Variants in FBP1 observed in about 807,000 individuals in gnomAD.
FBP1 encodes fructose-1,6-bisphosphatase 1.
Under a neutral mutation model 29.9 loss-of-function variants are expected in FBP1, and 22 were observed. The ratio of observed to expected loss-of-function variants is 0.74; its 90% confidence interval spans 0.53 to 1.05. The LOEUF (loss-of-function observed/expected upper bound fraction) is 1.05. FBP1 is among the 50% of genes least tolerant of loss of function. FBP1 has a pLI of 0.00. For missense variants in FBP1, 345 were observed against 448.2 expected (o/e 0.77, Z 2.08); for synonymous variants, 175 against 178.6 (o/e 0.98, Z 0.16).
intron 1 of FBP1, 61 bp downstream of exon 1, chr9:94,639,080 G>A: frequency 2.0e-6 from 3 of 1,527,252 alleles, no homozygotes; most frequent in East Asian, 2.4e-5. Context: ...ACGTCAGCCC[G>A]CCGGGCAGGC....
chr9:94,607,040 G>T, intron 4 of FBP1, 88 bp from the exon 5 acceptor site: 1 of 1,574,228 alleles, frequency 6.4e-7, no homozygotes, highest in Non-Finnish European at 8.7e-7. Flanking sequence ...GCTGGGCTAC[G>T]CTGGGCTGGG....
chr9:94,604,387 C>T (rs1827664230), intron 6 of FBP1, among the ~76,000 whole-genome samples: 5 of 152,036 alleles, frequency 3.3e-5, no homozygotes, highest in Admixed American at 3.3e-4. Flanking sequence ...ATAGAAATGC[C>T]TTCATTCTGG....
chr9:94,624,483 T>G (rs1827995333), intron 1 of FBP1, among the ~76,000 whole-genome samples: 1 of 151,912 alleles, frequency 6.6e-6, no homozygotes, highest in African/African-American at 2.4e-5. Context: ...TGAAGTCCTA[T>G]CTCTACTAAA....
intron 1 of FBP1, among the ~76,000 whole-genome samples, chr9:94,629,762 C>T (rs1828076203): frequency 6.6e-6 from 1 of 152,084 alleles, no homozygotes; most frequent in Admixed American, 6.5e-5. Flanking sequence ...TTAGGAATGG[C>T]CCACTCTCTT....
At chr9:94,624,208 G>A (rs1326523742) in intron 1 of FBP1, among the ~76,000 whole-genome samples, 2 of 151,644 alleles carry the variant, frequency 1.3e-5, no homozygotes, top group African/African-American at 4.8e-5. Flanking sequence ...CATGGTGGCG[G>A]GCACCTGTAG....
intron 1 of FBP1, 26 bp from the exon 2 acceptor site, chr9:94,620,517 A>G (rs1425999152): frequency 6.2e-7 from 1 of 1,612,082 alleles, no homozygotes; most frequent in Non-Finnish European, 8.5e-7. Flanking sequence ...GCCACAAAAA[A>G]TAAGCCATGA....
intron 5 of FBP1, 124 bp from the exon 6 acceptor site, chr9:94,605,700 G>T: frequency 1.1e-6 from 1 of 942,360 alleles, no homozygotes; most frequent in Non-Finnish European, 1.6e-6. Context: ...TGTATTTGGG[G>T]CTGTGCTAAA....
intron 1 of FBP1, among the ~76,000 whole-genome samples, chr9:94,627,480 G>A (rs186476561): frequency 1.5e-3 from 226 of 152,256 alleles, no homozygotes; most frequent in African/African-American, 4.5e-3. Context: ...TAGAGAGGGC[G>A]GGCTCAGCAG....
In FBP1 at chr9:94,623,469, T is replaced by C. The variant is rs28369680; in HGVS notation, c.171-2978A>G. On this transcript the variant is annotated intron_variant, in intron 1 of 6. Transcript: ENST00000375326. ...CTGCCCCCACGCGGCTGTCAGAGGA[T>C]TGCATGAGATGACATACACAAAAGG... 5.5e-3 allele frequency among the ~76,000 whole-genome samples: 842 copies of C among 152,286 alleles called. 4 individuals are homozygous for C. Among genetic ancestry groups the C allele is most frequent in the African/African-American group, 0.019 (804 of 41,566 alleles).
intron 1 of FBP1, among the ~76,000 whole-genome samples, chr9:94,634,068 C>A (rs1251295132): frequency 1.3e-5 from 2 of 150,530 alleles, no homozygotes; most frequent in African/African-American, 4.9e-5. Flanking sequence ...CCGGGGCGGG[C>A]AGATCACCTG....
At chr9:94,638,989 G>T in intron 1 of FBP1, 152 bp downstream of exon 1, 3 of 820,620 alleles carry the variant, frequency 3.7e-6, no homozygotes, top group South Asian at 3.0e-5. Flanking sequence ...GGAGAGAGGG[G>T]CTACCAGACA....
At chr9:94,623,783 G>A (rs1412814027) in intron 1 of FBP1, among the ~76,000 whole-genome samples, 3 of 152,208 alleles carry the variant, frequency 2.0e-5, no homozygotes, top group South Asian at 2.1e-4. Context: ...CTAGATGCTG[G>A]GGTTACAGTG....
At chr9:94,625,623 G>T (rs1045193775) in intron 1 of FBP1, among the ~76,000 whole-genome samples, 3 of 152,190 alleles carry the variant, frequency 2.0e-5, no homozygotes, top group African/African-American at 7.2e-5. Context: ...GTGAAACCCC[G>T]TCTCTACTAA....
rs112726797 is a variant in FBP1, at chr9:94,614,171, G to A, written c.426+3597C>T. 7.8e-3 allele frequency among the ~76,000 whole-genome samples: 1,102 copies of A among 140,730 alleles called. 18 individuals are homozygous for A. Among genetic ancestry groups the A allele is most frequent in the African/African-American group, 0.027 (1,054 of 38,766 alleles). 92.3% of individuals were successfully genotyped at this position (140,730 alleles called of 152,430 possible). A position where few individuals can be genotyped will look rare whatever the true frequency, so the allele number is the denominator to read the frequency against. On this transcript the variant is annotated intron_variant, in intron 3 of 6. Transcript: ENST00000375326. Reference sequence around the variant, plus strand: ...GGAGGGGAAGAAGGCAGAGGAGGAAGGGGGGGACGAGGAGGAGCAGGGGGA... The same window carrying A: ...GGAGGGGAAGAAGGCAGAGGAGGAAAGGGGGGACGAGGAGGAGCAGGGGGA...
chr9:94,617,731 T>C, intron 3 of FBP1, 37 bp downstream of exon 3: 1 of 1,376,628 alleles, frequency 7.3e-7, no homozygotes, highest in Non-Finnish European at 1.0e-6. Context: ...TCTTAACTTC[T>C]GTCCCCAAAC....
intron 1 of FBP1, among the ~76,000 whole-genome samples, chr9:94,631,325 G>A (rs1480042927): frequency 6.6e-6 from 1 of 152,160 alleles, no homozygotes; most frequent in Non-Finnish European, 1.5e-5. Flanking sequence ...AATTTAAAGA[G>A]CTCTAAGTCA....
Position 94,620,350 on chromosome 9 carries a change from G to T in FBP1, c.312C>A (p.Ile104=), listed in dbSNP as rs1381354271. Residue 104 remains isoleucine (I), a synonymous_variant, in exon 2 of 7, where the codon ATC becomes ATA. Transcript: ENST00000375326. ...VLVSEEDKHA[I]IVEPEKRGKY... ...CCACCCTTTTCTCCGGTTCCACTAT[G>T]ATGGCGTGTTTATCTTCTTCTGACA... The T allele has an allele frequency of 6.2e-6, 10 of 1,614,216 alleles. No homozygotes were observed. The highest frequency in any genetic ancestry group is 7.6e-6 in the Non-Finnish European group (9 of 1,180,044).
At chr9:94,625,667 C>T (rs1241691842) in intron 1 of FBP1, among the ~76,000 whole-genome samples, 2 of 152,236 alleles carry the variant, frequency 1.3e-5, no homozygotes, top group African/African-American at 4.8e-5. Context: ...CGGTGGCAGG[C>T]GCCTGTGGTC....
rs1189500659 is a variant in FBP1, at chr9:94,606,805, C to T, written c.705+10G>A. ...AGAACCTGCACCACCCTCCCCGGGCCCTCACTTACTGGGGGGAACTTCTTC... is the reference window on the plus strand; with the variant it reads ...AGAACCTGCACCACCCTCCCCGGGCTCTCACTTACTGGGGGGAACTTCTTC... On this transcript the variant is annotated intron_variant, in intron 5 of 6. Coordinates refer to ENST00000375326, the MANE Select transcript of FBP1 (RefSeq NM_000507.4). The T allele has an allele frequency of 6.2e-7, 1 of 1,612,962 alleles. No individual in the cohort carries two copies. The highest frequency in any genetic ancestry group is 8.5e-7 in the Non-Finnish European group (1 of 1,179,518).
Sources: allele counts gnomAD v4.1 joint callset (sites outside exome capture counted in the v4.1 genomes callset), GRCh38; gene constraint gnomAD v4.1.1; transcripts MANE v1.5; gene names NCBI Gene and HGNC (gene_info 2026-07-23, HGNC 2026-07-21).